Variants in MUC5AC observed in about 807,000 individuals in gnomAD.
The protein encoded by MUC5AC is mucin 5AC, oligomeric mucus/gel-forming, also known as mucin-5AC.
MUC5AC carries 158 observed loss-of-function variants against 169.7 expected under a neutral mutation model. The observed-to-expected ratio is 0.93, with a 90% confidence interval of 0.82 to 1.06. The LOEUF (loss-of-function observed/expected upper bound fraction) is 1.06. Ranked by LOEUF, MUC5AC falls within the 50% of genes least tolerant of loss-of-function variation. The probability of loss-of-function intolerance (pLI) is 0.00; values close to 1 mark genes in which losing one functional copy is unlikely to be tolerated. For missense variants in MUC5AC, 4,359 were observed against 3,089.9 expected (o/e 1.41, Z -9.74); for synonymous variants, 1,975 against 1,237.0 (o/e 1.60, Z -12.52).
chr11:1,164,716 G>A (rs1158902684), intron 9 of MUC5AC, among the ~76,000 whole-genome samples, 184 bp downstream of exon 9: 2 of 150,832 alleles, frequency 1.3e-5, no homozygotes, highest in Admixed American at 1.3e-4. Context: ...CCTGAGGCTG[G>A]CTGAGGCCCC....
intron 40 of MUC5AC, 68 bp from the exon 41 acceptor site, chr11:1,197,400 C>A: frequency 1.5e-6 from 1 of 684,922 alleles, no homozygotes; most frequent in Non-Finnish European, 2.7e-6. Flanking sequence ...ACTGCATGAG[C>A]CGGGGTGGCT....
rs529557385 is a variant in MUC5AC at position 1,168,520 on chromosome 11, A to G, written c.1535A>G (p.Asn512Ser). ...VIKASGEVFL[N>S]QIYTQLPISA... The stretch of plus-strand genomic sequence containing the variant: ...AAGGCCAGTGGGGAAGTGTTCCTGA[A>G]CCAGATCTACACCCAGCTGCCCATC... Residue 512 changes from asparagine (N) to serine (S), a missense_variant, in exon 13 of 49, where the codon AAC (asparagine) becomes AGC (serine). Physicochemically the swap from Asn to Ser is conservative, Grantham distance 46. Transcript: ENST00000621226. The G allele has an allele frequency of 1.3e-6, 2 of 1,496,886 alleles. No individual in the cohort carries two copies. Among genetic ancestry groups the G allele is most frequent in the African/African-American group, 1.8e-5 (1 of 54,698 alleles). The allele number at this position is 1,496,886 out of a possible 1,614,324, so 92.7% of individuals were successfully genotyped here.
At position 1,197,895 on chromosome 11, in the gene MUC5AC, C is replaced by T. The variant is rs775265808; in HGVS notation, c.16034-8C>T. ...AGACTCCTAATTGCCTCACTCCCGC[C>T]CCCGCAGCCTGCAACACCAGCCGCT... On this transcript the variant is annotated splice_polypyrimidine_tract_variant and splice_region_variant and intron_variant, in intron 41 of 48. Coordinates refer to ENST00000621226, the MANE Select transcript of MUC5AC (RefSeq NM_001304359.2). 28 of 712,250 alleles carry T rather than the reference C, an allele frequency of 3.9e-5. No homozygotes were observed. The highest frequency in any genetic ancestry group is 6.6e-5 in the Non-Finnish European group (26 of 392,164). 44.1% of individuals were successfully genotyped at this position (712,250 alleles called of 1,614,324 possible).
chr11:1,181,656 G>A (rs1327713635), intron 30 of MUC5AC, among the ~76,000 whole-genome samples, 197 bp downstream of exon 30: 1 of 152,148 alleles, frequency 6.6e-6, no homozygotes, highest in Admixed American at 6.5e-5. Flanking sequence ...CAGTGGGGAG[G>A]GCCTGGCCTC....
In MUC5AC at chr11:1,164,286, T is replaced by C. The variant is rs1180350025; in HGVS notation, c.970T>C (p.Leu324=). The C allele has an allele frequency of 3.3e-5, 54 of 1,612,212 alleles. No individual in the cohort carries two copies. Among genetic ancestry groups the C allele is most frequent in the Non-Finnish European group, 4.5e-5 (53 of 1,179,834 alleles). The change falls in exon 8 of 49, where the codon TTG becomes CTG. Residue 324 remains leucine (L), a synonymous_variant. Transcript: ENST00000621226. ...YSRQCTHAGG[L]PQDWRGPDFC... ...CCGGCAGTGCACCCATGCAGGGGGG[T>C]TGCCCCAGGACTGGCGGGGCCCTGA... is the stretch of plus-strand genomic sequence containing the variant.
In MUC5AC at chr11:1,164,284, G is replaced by A. The variant is rs573714547; in HGVS notation, c.968G>A (p.Gly323Glu). 2 of 1,612,528 alleles carry A rather than the reference G, an allele frequency of 1.2e-6. No individual in the cohort carries two copies. Among genetic ancestry groups the A allele is most frequent in the African/African-American group, 2.7e-5 (2 of 75,056 alleles). The change falls in exon 8 of 49, where the codon GGG becomes GAG. Residue 323 changes from glycine (G) to glutamate (E), a missense_variant. Gly to Glu is a moderately conservative substitution (Grantham distance 98, BLOSUM62 -2). Transcript: ENST00000621226. The stretch of plus-strand genomic sequence containing the variant: ...TCCCGGCAGTGCACCCATGCAGGGG[G>A]GTTGCCCCAGGACTGGCGGGGCCCT... ...EYSRQCTHAGGLPQDWRGPDF... is the reference protein window; with the variant it reads ...EYSRQCTHAGELPQDWRGPDF...
Position 1,169,040 on chromosome 11 carries a change from C to T in MUC5AC, c.1870+14C>T, listed in dbSNP as rs376501452. 3.0e-5 allele frequency: 46 copies of T among 1,549,184 alleles called. No individual in the cohort carries two copies. In the East Asian group the frequency reaches 3.2e-4, roughly 11 times the overall value. ...GCGTGGAGAATGGTACGGGTGTCCACGGCTCGCCTCTGTGCTGGCCGCCTG... is the reference window on the plus strand; with the variant it reads ...GCGTGGAGAATGGTACGGGTGTCCATGGCTCGCCTCTGTGCTGGCCGCCTG... On this transcript the variant is annotated intron_variant, in intron 15 of 48. Transcript: ENST00000621226.
rs780428239 is a variant in MUC5AC, at chr11:1,163,011, C to G, written c.645C>G (p.Asn215Lys). The change falls in exon 6 of 49, where the codon AAC becomes AAG. Residue 215 changes from asparagine (N) to lysine (K), a missense_variant. Physicochemically the swap from Asn to Lys is moderately conservative, Grantham distance 94. Coordinates refer to ENST00000621226, the MANE Select transcript of MUC5AC (RefSeq NM_001304359.2). The stretch of plus-strand genomic sequence containing the variant: ...CCTGTGGGCTCTGTGGGGACTTCAA[C>G]GGGATGCCCGTGGTCAGCGAGCTCC... ...NKTCGLCGDF[N>K]GMPVVSELLS... The G allele has an allele frequency of 6.2e-7, 1 of 1,612,690 alleles. No individual in the cohort carries two copies.
intron 11 of MUC5AC, 74 bp from the exon 12 acceptor site, chr11:1,167,803 G>A (rs563539448): frequency 7.9e-6 from 10 of 1,263,230 alleles, no homozygotes; most frequent in South Asian, 1.3e-5. Flanking sequence ...GAGCACAGCC[G>A]GGTGGACTGG....
intron 43 of MUC5AC, among the ~76,000 whole-genome samples, chr11:1,198,526 C>G (rs1317594388): frequency 1.3e-5 from 2 of 152,126 alleles, no homozygotes; most frequent in Non-Finnish European, 2.9e-5. Context: ...CTCCGGGGGG[C>G]TCCGGGGGAC....
rs1383100733 is a variant in MUC5AC at position 1,196,897 on chromosome 11, G to A, written c.15850G>A (p.Glu5284Lys). Residue 5284 changes from glutamate (E) to lysine (K), a missense_variant, in exon 40 of 49, where the codon GAG (glutamate) becomes AAG (lysine). By Grantham distance (56) the Glu-to-Lys change is moderately conservative. Coordinates refer to ENST00000621226, the MANE Select transcript of MUC5AC (RefSeq NM_001304359.2). ...GCPRCLGPHG[E>K]PVKVGHTVGM... ...TCCAGGGTGTCTGGGGCCCCACGGA[G>A]AGCCGGTGAAGGTGAGTGGAAGGCA... is the stretch of plus-strand genomic sequence containing the variant. 1.3e-6 allele frequency: 1 copy of A among 763,502 alleles called. No individual in the cohort carries two copies. Among genetic ancestry groups the A allele is most frequent in the Non-Finnish European group, 2.4e-6 (1 of 417,304 alleles). The allele number at this position is 763,502 out of a possible 1,614,324, so 47.3% of individuals were successfully genotyped here. A position where few individuals can be genotyped will look rare whatever the true frequency, so the allele number is the denominator to read the frequency against.
intron 11 of MUC5AC, among the ~76,000 whole-genome samples, chr11:1,166,872 C>T (rs1217067930): frequency 1.8e-5 from 1 of 55,490 alleles, no homozygotes. Context: ...ACACAGTCTC[C>T]CCAAGATGAG....
At chr11:1,167,785 A>T in intron 11 of MUC5AC, 92 bp from the exon 12 acceptor site, 1 of 1,084,464 alleles carries the variant, frequency 9.2e-7, no homozygotes. Flanking sequence ...TTTTCTAGTG[A>T]GGGAGAGGAG....
intron 30 of MUC5AC, among the ~76,000 whole-genome samples, 153 bp downstream of exon 30, chr11:1,181,612 G>A (rs1039038580): frequency 6.6e-6 from 1 of 152,188 alleles, no homozygotes; most frequent in Admixed American, 6.5e-5. Flanking sequence ...AGTCGGGCTC[G>A]GGGATGACCT....
rs948812174 is a variant in MUC5AC at position 1,172,463 on chromosome 11, C to T, written c.1905C>T (p.Thr635=). 6.0e-5 allele frequency: 24 copies of T among 398,578 alleles called. No homozygotes were observed. The highest frequency in any genetic ancestry group is 2.6e-4 in the Admixed American group (6 of 22,724). 24.7% of individuals were successfully genotyped at this position (398,578 alleles called of 1,614,324 possible). Residue 635 remains threonine (T), a synonymous_variant, in exon 16 of 49, where the codon ACC becomes ACT. Coordinates refer to ENST00000621226, the MANE Select transcript of MUC5AC (RefSeq NM_001304359.2). ...CTCAGCACTGGTGCTCGCAGCTGAC[C>T]GATGCCGACGGCCCCTTCGGCCGGT... ...KYAQHWCSQL[T]DADGPFGRCH...
At position 1,199,443 on chromosome 11, in the gene MUC5AC, G is replaced by A. The variant is rs766323495; in HGVS notation, c.16468G>A (p.Val5490Met). 8 of 729,930 alleles carry A rather than the reference G, an allele frequency of 1.1e-5. No individual in the cohort carries two copies. Among genetic ancestry groups the A allele is most frequent in the Admixed American group, 5.5e-5 (3 of 54,418 alleles). The allele number at this position is 729,930 out of a possible 1,614,324, so 45.2% of individuals were successfully genotyped here. A position where few individuals can be genotyped will look rare whatever the true frequency, so the allele number is the denominator to read the frequency against. Residue 5490 changes from valine to methionine, a missense_variant, in exon 46 of 49, where the codon GTG becomes ATG. Transcript: ENST00000621226. ...GTGTGAGAAGCACCAGGATGGGCTC[G>A]TGGTGGTCACCACGAAGAAGGCGTG... is the stretch of plus-strand genomic sequence containing the variant. The part of the protein sequence containing the change: ...HQCEKHQDGL[V>M]VVTTKKACPP...
rs1004333679 is a variant in MUC5AC, at chr11:1,181,383, T to C, written c.3933T>C (p.Ile1311=). 0.033 allele frequency: 12,967 copies of C among 398,490 alleles called. 315 individuals are homozygous for C. The highest frequency in any genetic ancestry group is 0.037 in the Non-Finnish European group (8,372 of 226,092). 24.7% of individuals were successfully genotyped at this position (398,490 alleles called of 1,614,324 possible). Residue 1311 remains isoleucine, a synonymous_variant, in exon 30 of 49, where the codon ATT becomes ATC. Transcript: ENST00000621226. The part of the protein sequence containing the change: ...ISARCGANGT[I]ERRVYPCSPT... ...CCCGCTGCGGGGCCAACGGCACCAT[T>C]GAGAGGAGGGTCTACCCCTGCAGCC... is the stretch of plus-strand genomic sequence containing the variant.
At chr11:1,162,851 TC>T in intron 5 of MUC5AC, 103 bp from the exon 6 acceptor site, 1 of 1,206,356 alleles carries the variant, frequency 8.3e-7, no homozygotes, top group South Asian at 1.2e-5. Context: ...TTCGGGGGTG[TC>T]TCTTCCGTGG....
At position 1,176,189 on chromosome 11, in the gene MUC5AC, G is replaced by A. The variant is rs1860681231; in HGVS notation, c.2440G>A (p.Ala814Thr). The A allele has an allele frequency of 5.0e-6, 2 of 398,564 alleles. No homozygotes were observed. Among genetic ancestry groups the A allele is most frequent in the Non-Finnish European group, 8.8e-6 (2 of 226,100 alleles). 24.7% of individuals were successfully genotyped at this position (398,564 alleles called of 1,614,324 possible). Reference protein sequence around the residue: ...APMVFFDCRNATPGDTGAGCQ... With the variant: ...APMVFFDCRNTTPGDTGAGCQ... ...CATGGTGTTCTTTGACTGCCGAAAT[G>A]CCACGCCCGGGGACACAGGGGCTGG... The change falls in exon 20 of 49, where the codon GCC becomes ACC. Residue 814 changes from alanine (A) to threonine (T), a missense_variant. Transcript: ENST00000621226.
Sources: allele counts gnomAD v4.1 joint callset (sites outside exome capture counted in the v4.1 genomes callset), GRCh38; gene constraint gnomAD v4.1.1; transcripts MANE v1.5; gene names NCBI Gene and HGNC (gene_info 2026-07-23, HGNC 2026-07-21).